The following DNMBP variants were observed in gnomAD, a reference collection of about 807,000 sequenced individuals.
DNMBP encodes the protein dynamin binding protein, also known as dynamin-binding protein.
DNMBP carries 87 observed loss-of-function variants against 150.0 expected under a neutral mutation model. That is an observed-to-expected ratio of 0.58 (90% CI 0.49 to 0.69). The LOEUF (loss-of-function observed/expected upper bound fraction) is 0.69. Among genes scored for constraint, DNMBP ranks in the 30% least tolerant of loss-of-function variants. DNMBP has a pLI of 0.00. For missense variants in DNMBP, 1,774 were observed against 1,949.0 expected, an observed-to-expected ratio of 0.91 and a Z score of 1.69; for synonymous variants, 711 against 750.4, an observed-to-expected ratio of 0.95 and a Z score of 0.86.
chr10:99,941,470 A>ATT (rs879833118), intron 4 of DNMBP, among the ~76,000 whole-genome samples: 11 of 143,556 alleles, frequency 7.7e-5, no homozygotes, highest in African/African-American at 7.6e-5. Context: ...ACTCTTCTCA[A>ATT]TTTTTTTTTT....
In DNMBP at chr10:99,956,013, T is replaced by G. The variant is rs1465265191; in HGVS notation, c.1461A>C (p.Ser487=). ...PLYRGSSVSA[S]RVVKPRQSSP... is the part of the protein sequence containing the mutation. ...TTGATTGTCTGGGTTTGACTACCCT[T>G]GAAGCTGAAACAGAAGAGCCCCTGT... Residue 487 remains serine (S), a synonymous_variant, in exon 4 of 17, where the codon TCA becomes TCC. Transcript: ENST00000324109. The G allele has an allele frequency of 2.5e-6, 4 of 1,614,060 alleles. No homozygotes were observed. The highest frequency in any genetic ancestry group is 2.7e-5 in the African/African-American group (2 of 74,920).
At chr10:99,890,956 T>C (rs1235259178) in intron 11 of DNMBP, among the ~76,000 whole-genome samples, 2 of 152,106 alleles carry the variant, frequency 1.3e-5, no homozygotes, top group African/African-American at 4.8e-5. Flanking sequence ...CCTAGTTACA[T>C]TTTTAAAACA....
chr10:99,911,347 C>A (rs188612883), intron 4 of DNMBP, among the ~76,000 whole-genome samples: 1 of 152,008 alleles, frequency 6.6e-6, no homozygotes, highest in South Asian at 2.1e-4. Flanking sequence ...ATGGTGAAAC[C>A]CCATCTCTAC....
In DNMBP at chr10:99,984,462, C is replaced by T. The variant is rs546102686; in HGVS notation, c.-10-12328G>A. Reference sequence around the variant, plus strand: ...TAATACACATGACAGCAGTTACAGACGTGCAGATTAAGTGAAACTATAAAG... The same window carrying T: ...TAATACACATGACAGCAGTTACAGATGTGCAGATTAAGTGAAACTATAAAG... On this transcript the variant is annotated intron_variant, in intron 1 of 16. Transcript: ENST00000324109. Among the ~76,000 whole-genome samples, 11 of 152,278 alleles carry T rather than the reference C, an allele frequency of 7.2e-5. No homozygotes were observed. In the South Asian group the frequency reaches 1.2e-3, roughly 17 times the overall value.
At position 99,955,815 on chromosome 10, in the gene DNMBP, T is replaced by G. The variant is rs1331074722; in HGVS notation, c.1659A>C (p.Thr553=). 1.5e-5 allele frequency: 24 copies of G among 1,614,246 alleles called. 1 individual carries two copies. The highest frequency in any genetic ancestry group is 1.3e-4 in the East Asian group (6 of 44,880). Residue 553 remains threonine (T), a synonymous_variant, in exon 4 of 17, where the codon ACA becomes ACC. Transcript: ENST00000324109. ...TCTTCTCAAACTCGATCAGCTGTTG[T>G]GTCAGCTTCGAGTCCAGGTCAGTGC... is the stretch of plus-strand genomic sequence containing the variant. ...DGSTDLDSKL[T]QQLIEFEKSL...
rs111359576 is a variant in DNMBP at position 99,971,860 on chromosome 10, C to CTTT, written c.145+117_145+119dup. 5,036 of 706,582 alleles carry CTTT rather than the reference C, an allele frequency of 7.1e-3. 44 individuals are homozygous for CTTT. The highest frequency in any genetic ancestry group is 0.033 in the African/African-American group (1,671 of 51,184). 43.8% of individuals were successfully genotyped at this position (706,582 alleles called of 1,614,324 possible). A position where few individuals can be genotyped will look rare whatever the true frequency, so the allele number is the denominator to read the frequency against. On this transcript the variant is annotated intron_variant, in intron 2 of 16. Coordinates refer to ENST00000324109, the MANE Select transcript of DNMBP (RefSeq NM_015221.4). ...ATTTTCTTTCTTTCTTTCTTTCTTT[C>CTTT]TTTTTTTTTTTTTAAGACAGGGTCT...
chr10:99,891,042 C>A (rs1377444098), intron 11 of DNMBP, among the ~76,000 whole-genome samples: 2 of 151,532 alleles, frequency 1.3e-5, no homozygotes. Flanking sequence ...AAGTTGAATC[C>A]CTGCTTCAAA....
In DNMBP at chr10:99,877,196, C is replaced by T; in HGVS notation, c.4689G>A (p.Lys1563=). The change falls in exon 17 of 17, where the codon AAG becomes AAA. Residue 1563 remains lysine, a synonymous_variant. Coordinates refer to ENST00000324109, the MANE Select transcript of DNMBP (RefSeq NM_015221.4). ...GGATATAATTGGAGGGAACGTAGCC[C>T]TTCTTCCCGTTAACCTCAGCTAACC... ...EWWLAEVNGK[K]GYVPSNYIRK... The T allele has an allele frequency of 6.2e-7, 1 of 1,613,768 alleles. No homozygotes were observed. The highest frequency in any genetic ancestry group is 8.5e-7 in the Non-Finnish European group (1 of 1,179,914).
chr10:99,996,194 G>GTTC (rs2040949758), intron 1 of DNMBP, among the ~76,000 whole-genome samples: 1 of 152,154 alleles, frequency 6.6e-6, no homozygotes, highest in Non-Finnish European at 1.5e-5. Context: ...CCACCTATGG[G>GTTC]ATACAAGAAT....
At chr10:99,979,266 A>T (rs957732776) in intron 1 of DNMBP, among the ~76,000 whole-genome samples, 1 of 152,130 alleles carries the variant, frequency 6.6e-6, no homozygotes, top group Non-Finnish European at 1.5e-5. Flanking sequence ...TGTCCTAAGC[A>T]ATTCAACTCC....
chr10:99,923,381 G>A (rs576699361), intron 4 of DNMBP, among the ~76,000 whole-genome samples: 18 of 123,174 alleles, frequency 1.5e-4, no homozygotes, highest in Admixed American at 2.5e-4. Context: ...GTGAGAGTCC[G>A]TCTCCAAAAA....
intron 1 of DNMBP, among the ~76,000 whole-genome samples, chr10:100,003,586 G>C (rs2041038705): frequency 6.6e-6 from 1 of 152,140 alleles, no homozygotes; most frequent in South Asian, 2.1e-4. Context: ...TATTTCAGTG[G>C]CTCACACTTG....
chr10:99,905,715 A>G (rs1389841235), intron 6 of DNMBP, among the ~76,000 whole-genome samples: 1 of 152,158 alleles, frequency 6.6e-6, no homozygotes, highest in South Asian at 2.1e-4. Flanking sequence ...TCGTGCCTAT[A>G]ATCACAGCAT....
chr10:99,882,084 C>A (rs1162782055), intron 15 of DNMBP, among the ~76,000 whole-genome samples: 1 of 152,110 alleles, frequency 6.6e-6, no homozygotes. Flanking sequence ...CATGGTTGAA[C>A]CTGGAGGACA....
chr10:99,899,142 G>C (rs2039702263), intron 7 of DNMBP, among the ~76,000 whole-genome samples: 1 of 152,066 alleles, frequency 6.6e-6, no homozygotes, highest in South Asian at 2.1e-4. Flanking sequence ...AGTGAGCTGA[G>C]AGCACCACTG....
intron 10 of DNMBP, 63 bp from the exon 11 acceptor site, chr10:99,895,113 A>T: frequency 2.2e-6 from 2 of 910,852 alleles, no homozygotes; most frequent in South Asian, 1.6e-5. Context: ...TACTGGCAAA[A>T]GTAGCTTGCT....
chr10:99,955,526 A>G lies in DNMBP; in HGVS notation c.1948T>C (p.Ser650Pro), dbSNP rs778454745. Residue 650 changes from serine (S) to proline (P), a missense_variant, in exon 4 of 17, where the codon TCA (serine) becomes CCA (proline). Ser to Pro is a moderately conservative substitution (Grantham distance 74). Around this residue, in one of 2 missense-constraint regions of DNMBP, gnomAD observed 1,430 missense variants for 1,492.5 expected, o/e 0.96. Transcript: ENST00000324109. ...ACCGCATTCGTTCTCTGCTGTGCTGAGGGAGGCAGGGGAGCTGGGCGAGAG... is the reference window on the plus strand; with the variant it reads ...ACCGCATTCGTTCTCTGCTGTGCTGGGGGAGGCAGGGGAGCTGGGCGAGAG... ...RPSRPAPLPP[S>P]AQQRTNAVSP... is the part of the protein sequence containing the mutation. The G allele has an allele frequency of 2.5e-6, 4 of 1,597,224 alleles. No homozygotes were observed. The highest frequency in any genetic ancestry group is 3.4e-6 in the Non-Finnish European group (4 of 1,172,098).
In DNMBP at chr10:99,888,857, G is replaced by A. The variant is rs770100956; in HGVS notation, c.3253C>T (p.Arg1085Cys). The change falls in exon 12 of 17, where the codon CGC (arginine) becomes TGC (cysteine). Residue 1085 changes from arginine to cysteine, a missense_variant. By Grantham distance (180) the Arg-to-Cys change is radical (BLOSUM62 -3). Coordinates refer to ENST00000324109, the MANE Select transcript of DNMBP (RefSeq NM_015221.4). ...GTGAAGAGCTGGTCACTGATGTAGC[G>A]ATGCACCCTCTCAAACTGCTCCAGG... Reference protein sequence around the residue: ...RDLEQFERVHRYISDQLFTNF... With the variant: ...RDLEQFERVHCYISDQLFTNF... 25 of 1,613,944 alleles carry A rather than the reference G, an allele frequency of 1.5e-5. No individual in the cohort carries two copies. Among genetic ancestry groups the A allele is most frequent in the African/African-American group, 5.3e-5 (4 of 74,882 alleles).
intron 1 of DNMBP, among the ~76,000 whole-genome samples, chr10:99,998,038 A>G (rs1423592313): frequency 2.0e-5 from 3 of 150,954 alleles, no homozygotes; most frequent in Admixed American, 1.3e-4. Flanking sequence ...GATCAAGACC[A>G]TCCTGGCTAA....
Sources: gnomAD v4.1 joint callset for allele counts (sites outside exome capture counted in the v4.1 genomes callset) on GRCh38, gnomAD v4.1.1 for gene constraint, gnomAD v4.1.1 regional missense constraint, MANE v1.5 for transcripts, NCBI Gene and HGNC (gene_info 2026-07-23, HGNC 2026-07-21) for gene names.